The following CCND2 variants were observed in gnomAD, a reference collection of about 807,000 sequenced individuals.
CCND2 encodes G1/S-specific cyclin-D2.
Under a neutral mutation model 30.2 loss-of-function variants are expected in CCND2, and 6 were observed. The observed-to-expected ratio is 0.20, with a 90% CI of 0.11 to 0.39. The LOEUF (loss-of-function observed/expected upper bound fraction) is 0.39. CCND2 is among the 10% of genes least tolerant of loss of function. The pLI is 1.00. For missense variants in CCND2, 235 were observed against 373.4 expected, an observed-to-expected ratio of 0.63 and a Z score of 3.06; for synonymous variants, 150 against 153.1, an observed-to-expected ratio of 0.98 and a Z score of 0.15.
intron 2 of CCND2, among the ~76,000 whole-genome samples, chr12:4,277,817 C>T (rs1863894602): frequency 6.6e-6 from 1 of 152,260 alleles, no homozygotes; most frequent in Non-Finnish European, 1.5e-5. Context: ...GGCCCTGCCT[C>T]TCATTCTTCT....
rs929744529 is a variant in CCND2, at chr12:4,302,562, C to A, written c.*2553C>A. On this transcript the variant is annotated 3_prime_UTR_variant, in exon 5 of 5. Coordinates refer to ENST00000261254, the MANE Select transcript of CCND2 (RefSeq NM_001759.4). ...GAGTAGATGAACCTGCAGCAAGCAG[C>A]GTTTATGGTGCTTCCTTCTCCCTCC... is the stretch of plus-strand genomic sequence containing the variant. 1 of 233,068 alleles carries A rather than the reference C, an allele frequency of 4.3e-6. No individual in the cohort carries two copies. Among genetic ancestry groups the A allele is most frequent in the Non-Finnish European group, 8.5e-6 (1 of 118,004 alleles). 14.4% of individuals were successfully genotyped at this position (233,068 alleles called of 1,614,324 possible). A position where few individuals can be genotyped will look rare whatever the true frequency, so the allele number is the denominator to read the frequency against.
At chr12:4,296,524 A>G (rs1196320042) in intron 4 of CCND2, among the ~76,000 whole-genome samples, 1 of 152,272 alleles carries the variant, frequency 6.6e-6, no homozygotes, top group Non-Finnish European at 1.5e-5. Flanking sequence ...ACACGCACAC[A>G]CACGCAAGTT....
rs149766775 is a variant in CCND2 at position 4,303,552 on chromosome 12, T to C, written c.*3543T>C. On this transcript the variant is annotated 3_prime_UTR_variant, in exon 5 of 5. Transcript: ENST00000261254. The surrounding 1 kb of genome is among the most constrained non-coding windows in gnomAD (Gnocchi z 4.6). The stretch of plus-strand genomic sequence containing the variant: ...TTCTCCATCAGTGGGGGCCGAGTTG[T>C]TCCCCCAGCCTGCCAAATTTTGATC... 1.7e-3 allele frequency: 405 copies of C among 233,750 alleles called. 4 individuals are homozygous for C. In the Admixed American group the frequency reaches 0.018, roughly 10 times the overall value. 14.5% of individuals were successfully genotyped at this position (233,750 alleles called of 1,614,324 possible). A position where few individuals can be genotyped will look rare whatever the true frequency, so the allele number is the denominator to read the frequency against.
Position 4,300,092 on chromosome 12 carries a change from T to C in CCND2, c.*83T>C. On this transcript the variant is annotated 3_prime_UTR_variant, in exon 5 of 5. Transcript: ENST00000261254. ...CTGGTTGTTTTTGTTCTTTGTGTTTTAGGGTGAAACTTAAAAAAAAAATTC... is the reference window on the plus strand; with the variant it reads ...CTGGTTGTTTTTGTTCTTTGTGTTTCAGGGTGAAACTTAAAAAAAAAATTC... 1.4e-6 allele frequency: 2 copies of C among 1,403,056 alleles called. No homozygotes were observed. Among genetic ancestry groups the C allele is most frequent in the Non-Finnish European group, 1.9e-6 (2 of 1,056,652 alleles). The allele number at this position is 1,403,056 out of a possible 1,614,324, so 86.9% of individuals were successfully genotyped here.
At chr12:4,275,924 A>G (rs1863866594) in intron 1 of CCND2, 81 bp from the exon 2 acceptor site, 1 of 882,768 alleles carries the variant, frequency 1.1e-6, no homozygotes, top group Non-Finnish European at 1.7e-6. Flanking sequence ...TCGATAGATT[A>G]CGCTTTTTTA....
intron 4 of CCND2, among the ~76,000 whole-genome samples, chr12:4,294,645 C>T (rs3217890): frequency 0.023 from 3,443 of 152,238 alleles, 134 homozygotes; most frequent in African/African-American, 0.076. Context: ...TGGAGGCTTG[C>T]CCTTTCTAAA....
rs1591644097 is a variant in CCND2, at chr12:4,276,789, G to T, written c.411+569G>T. The stretch of plus-strand genomic sequence containing the variant: ...TCCGAGGCCTGGGTTCCTACCTCCA[G>T]TGGGACTGTGACCTCTGTACAACCC... On this transcript the variant is annotated intron_variant, in intron 2 of 4. Coordinates refer to ENST00000261254, the MANE Select transcript of CCND2 (RefSeq NM_001759.4). The surrounding 1 kb of genome is among the most constrained non-coding windows in gnomAD (Gnocchi z 4.8). 6.6e-6 allele frequency among the ~76,000 whole-genome samples: 1 copy of T among 152,350 alleles called. No homozygotes were observed. The highest frequency in any genetic ancestry group is 2.1e-4 in the South Asian group (1 of 4,832).
chr12:4,291,584 G>A (rs572367886), intron 4 of CCND2, among the ~76,000 whole-genome samples: 2 of 152,096 alleles, frequency 1.3e-5, no homozygotes, highest in Non-Finnish European at 2.9e-5. Flanking sequence ...AATTAAGAAC[G>A]TAAACAAAGG....
At chr12:4,290,677 C>T (rs1420048569) in intron 4 of CCND2, among the ~76,000 whole-genome samples, 2 of 151,468 alleles carry the variant, frequency 1.3e-5, no homozygotes, top group African/African-American at 2.4e-5. Flanking sequence ...CCAGCCTTTT[C>T]CCACCTCCCT....
chr12:4,296,518 GCA>G (rs1219641123), intron 4 of CCND2, among the ~76,000 whole-genome samples: 2 of 152,306 alleles, frequency 1.3e-5, no homozygotes, highest in Middle Eastern at 3.4e-3. Flanking sequence ...GTGTGCACAC[GCA>G]CACACACGCA....
intron 4 of CCND2, among the ~76,000 whole-genome samples, chr12:4,289,553 C>G (rs1864069510): frequency 6.6e-6 from 1 of 152,204 alleles, no homozygotes; most frequent in African/African-American, 2.4e-5. Context: ...GACAAAGTGC[C>G]ATACAAACTC....
At chr12:4,280,676 A>G (rs1315172922) in intron 3 of CCND2, among the ~76,000 whole-genome samples, 1 of 151,470 alleles carries the variant, frequency 6.6e-6, no homozygotes, top group African/African-American at 2.4e-5. Context: ...CTCTCTCATC[A>G]TGATTCACTG....
intron 4 of CCND2, among the ~76,000 whole-genome samples, chr12:4,296,580 G>T (rs1053780352): frequency 1.3e-5 from 2 of 152,186 alleles, no homozygotes; most frequent in East Asian, 3.8e-4. Flanking sequence ...GATAACAAAA[G>T]CTCTTAGGCC....
intron 1 of CCND2, among the ~76,000 whole-genome samples, chr12:4,275,744 G>T (rs1264327075): frequency 6.6e-6 from 1 of 151,986 alleles, no homozygotes; most frequent in Admixed American, 6.5e-5. Context: ...GCACTTCTCC[G>T]ACTCCCCGTT....
Position 4,299,667 on chromosome 12 carries a change from C to G in CCND2, c.721-193C>G, listed in dbSNP as rs975579798. 3.9e-5 allele frequency among the ~76,000 whole-genome samples: 6 copies of G among 152,334 alleles called. No individual in the cohort carries two copies. Among genetic ancestry groups the G allele is most frequent in the Admixed American group, 3.3e-4 (5 of 15,298 alleles). On this transcript the variant is annotated intron_variant, in intron 4 of 4. Transcript: ENST00000261254. The surrounding 1 kb of genome is among the most constrained non-coding windows in gnomAD (Gnocchi z 5.2). ...AACAAGCTCGCAGGTGATGCTGATGCTGCCAGCCCATGGACCCCACCTGGA... is the reference window on the plus strand; with the variant it reads ...AACAAGCTCGCAGGTGATGCTGATGGTGCCAGCCCATGGACCCCACCTGGA...
At position 4,293,644 on chromosome 12, in the gene CCND2, G is replaced by GTTATCAA. The variant is rs898775609; in HGVS notation, c.720+4656_720+4662dup. On this transcript the variant is annotated intron_variant, in intron 4 of 4. Transcript: ENST00000261254. This position sits in a 1 kb window ranked among gnomAD's most constrained non-coding sequence, Gnocchi z 4.9. ...GTCATCCTGGCATTTTACGGTCCTG[G>GTTATCAA]TTATCAATGAGCTATTAAAAAGCAG... Among the ~76,000 whole-genome samples the GTTATCAA allele has an allele frequency of 4.6e-5, 7 of 152,264 alleles. No homozygotes were observed. Among genetic ancestry groups the GTTATCAA allele is most frequent in the African/African-American group, 1.4e-4 (6 of 41,560 alleles).
rs192001610 is a variant in CCND2 at position 4,298,237 on chromosome 12, T to C, written c.721-1623T>C. ...GCAGATACCACCCTTCCTCATTTCA[T>C]TGTTCCAGGTGATATTTCGTCTCTG... On this transcript the variant is annotated intron_variant, in intron 4 of 4. Transcript: ENST00000261254. Among the ~76,000 whole-genome samples the C allele has an allele frequency of 2.8e-3, 425 of 152,320 alleles. 7 individuals carry two copies. Among genetic ancestry groups the C allele is most frequent in the Admixed American group, 9.4e-3 (144 of 15,306 alleles).
chr12:4,278,907 C>G lies in CCND2; in HGVS notation c.559C>G (p.Leu187Val). 6.2e-7 allele frequency: 1 copy of G among 1,612,648 alleles called. No homozygotes were observed. The highest frequency in any genetic ancestry group is 8.5e-7 in the Non-Finnish European group (1 of 1,179,146). ...IRKHAQTFIALCATDFKFAMY... is the reference protein window; with the variant it reads ...IRKHAQTFIAVCATDFKFAMY... ...CAAGCATGCTCAGACCTTCATTGCT[C>G]TGTGTGCCACCGGTAAGATGAGGCT... The change falls in exon 3 of 5, where the codon CTG (leucine) becomes GTG (valine). Residue 187 changes from leucine to valine, a missense_variant. By Grantham distance (32) the Leu-to-Val change is conservative. This residue lies in a region of CCND2 where 178 missense variants were observed against 322.8 expected (regional missense o/e 0.55). Coordinates refer to ENST00000261254, the MANE Select transcript of CCND2 (RefSeq NM_001759.4).
intron 4 of CCND2, among the ~76,000 whole-genome samples, chr12:4,291,845 C>G (rs1431687698): frequency 6.6e-6 from 1 of 152,108 alleles, no homozygotes; most frequent in Non-Finnish European, 1.5e-5. Flanking sequence ...TGAAACGAGC[C>G]AGACACAAAA....
Sources: allele counts gnomAD v4.1 joint callset (sites outside exome capture counted in the v4.1 genomes callset), GRCh38; gene constraint gnomAD v4.1.1; regional missense constraint gnomAD v4.1.1; non-coding constraint Gnocchi (gnomAD v3.1); transcripts MANE v1.5; gene names NCBI Gene and HGNC (gene_info 2026-07-23, HGNC 2026-07-21).